The following CTH variants were observed in gnomAD, a reference collection of about 807,000 sequenced individuals.
CTH encodes cystathionase (cystathionine gamma-lyase).
Under a neutral mutation model 50.6 loss-of-function variants are expected in CTH, and 41 were observed. The observed-to-expected ratio is 0.81, with a 90% CI of 0.63 to 1.05. The LOEUF (loss-of-function observed/expected upper bound fraction) is 1.05. Among genes scored for constraint, CTH ranks in the 50% least tolerant of loss-of-function variants. The probability of loss-of-function intolerance (pLI) is 0.00; values close to 1 mark genes in which losing one functional copy is unlikely to be tolerated. For synonymous variants in CTH, 156 were observed against 168.9 expected, an observed-to-expected ratio of 0.92 and a Z score of 0.59; for missense variants, 470 against 492.6, an observed-to-expected ratio of 0.95 and a Z score of 0.43.
At chr1:70,429,745 C>T (rs778867944) in intron 5 of CTH, 49 bp from the exon 6 acceptor site, 2 of 1,277,282 alleles carry the variant, frequency 1.6e-6, no homozygotes, top group South Asian at 1.2e-5. Flanking sequence ...GGTAATGAAG[C>T]ATATTTTCAA....
chr1:70,418,268 T>G (rs1684136943), intron 3 of CTH, among the ~76,000 whole-genome samples: 1 of 152,166 alleles, frequency 6.6e-6, no homozygotes, highest in African/African-American at 2.4e-5. Context: ...TGTTTATTTT[T>G]AGATAGGATC....
intron 3 of CTH, 28 bp downstream of exon 3, chr1:70,418,060 G>C: frequency 6.2e-7 from 1 of 1,608,908 alleles, no homozygotes; most frequent in Non-Finnish European, 8.5e-7. Context: ...TTTATATTCT[G>C]TAAACTTGTA....
At chr1:70,419,451 G>A (rs1190135061) in intron 3 of CTH, among the ~76,000 whole-genome samples, 1 of 152,152 alleles carries the variant, frequency 6.6e-6, no homozygotes, top group Non-Finnish European at 1.5e-5. Flanking sequence ...CAGTGTAAAA[G>A]TGTTCCTATT....
At chr1:70,429,686 A>C in intron 5 of CTH, 108 bp from the exon 6 acceptor site, 3 of 799,050 alleles carry the variant, frequency 3.8e-6, no homozygotes, top group Non-Finnish European at 6.3e-6. Context: ...ACTTTTGCAA[A>C]GTTAGTATTG....
At chr1:70,422,737 G>A (rs939111668) in intron 4 of CTH, among the ~76,000 whole-genome samples, 1 of 150,456 alleles carries the variant, frequency 6.6e-6, no homozygotes, top group South Asian at 2.1e-4. Flanking sequence ...TCAGCCTACC[G>A]AGTAGCTGGG....
At chr1:70,416,179 G>A (rs1684087877) in intron 2 of CTH, 142 bp downstream of exon 2, 3 of 655,540 alleles carry the variant, frequency 4.6e-6, no homozygotes, top group East Asian at 5.5e-5. Flanking sequence ...CTTTGCCCAA[G>A]GTCCCTCAGT....
intron 4 of CTH, among the ~76,000 whole-genome samples, chr1:70,422,696 CT>C (rs1157329406): frequency 6.7e-6 from 1 of 150,230 alleles, no homozygotes; most frequent in Non-Finnish European, 1.5e-5. Flanking sequence ...ACTGCAAGCT[CT>C]GCCTCTTGGG....
intron 6 of CTH, 113 bp from the exon 7 acceptor site, chr1:70,430,204 T>C (rs1332404716): frequency 2.8e-6 from 2 of 713,372 alleles, no homozygotes; most frequent in Non-Finnish European, 5.0e-6. Flanking sequence ...TAGAGCTTTT[T>C]CCCTGAGAGT....
chr1:70,424,167 C>T (rs1253379457), intron 4 of CTH, 118 bp from the exon 5 acceptor site: 21 of 1,568,126 alleles, frequency 1.3e-5, no homozygotes, highest in East Asian at 4.7e-5. Flanking sequence ...AACCTCCCAA[C>T]ATCATCATCC....
intron 5 of CTH, among the ~76,000 whole-genome samples, chr1:70,427,196 T>C (rs1448798646): frequency 6.6e-6 from 1 of 152,226 alleles, no homozygotes; most frequent in Non-Finnish European, 1.5e-5. Flanking sequence ...CCTCTGGATC[T>C]TCTGTAAGTC....
In CTH at chr1:70,436,798, G is replaced by A. The variant is rs546655133; in HGVS notation, c.1052+1621G>A. On this transcript the variant is annotated intron_variant, in intron 10 of 11. Transcript: ENST00000370938. ...AGAGGGCACACTCAGCATGTGAAATGGGTTTGTTTTTCACAGTAATGAAAT... is the reference window on the plus strand; with the variant it reads ...AGAGGGCACACTCAGCATGTGAAATAGGTTTGTTTTTCACAGTAATGAAAT... 3.4e-4 allele frequency among the ~76,000 whole-genome samples: 52 copies of A among 152,310 alleles called. No individual in the cohort carries two copies. The South Asian group carries it at 8.3e-3, about 24-fold the overall frequency.
chr1:70,437,472 C>T (rs1324204473), intron 10 of CTH, among the ~76,000 whole-genome samples: 1 of 152,060 alleles, frequency 6.6e-6, no homozygotes, highest in Non-Finnish European at 1.5e-5. Flanking sequence ...GGTAAGCACA[C>T]AGTAGATGCA....
rs1684539272 is a variant in CTH at position 70,433,942 on chromosome 1, A to G, written c.992A>G (p.Asn331Ser). The G allele has an allele frequency of 6.2e-7, 1 of 1,613,834 alleles. No homozygotes were observed. Among genetic ancestry groups the G allele is most frequent in the Non-Finnish European group, 8.5e-7 (1 of 1,179,878 alleles). The part of the protein sequence containing the change: ...TLQHAEIFLK[N>S]LKLFTLAESL... ...CAGCATGCTGAGATTTTCCTCAAGA[A>G]CCTAAAGGTAAACTTACAAAATAGG... Residue 331 changes from asparagine to serine, a missense_variant, in exon 9 of 12, where the codon AAC becomes AGC. Physicochemically the swap from Asn to Ser is conservative, Grantham distance 46. Transcript: ENST00000370938.
At chr1:70,436,405 T>A (rs1557474885) in intron 10 of CTH, among the ~76,000 whole-genome samples, 1 of 152,290 alleles carries the variant, frequency 6.6e-6, no homozygotes, top group East Asian at 1.9e-4. Flanking sequence ...ATTCCTGATA[T>A]ATATATTACC....
At chr1:70,425,837 TC>T (rs1684334969) in intron 5 of CTH, among the ~76,000 whole-genome samples, 1 of 152,136 alleles carries the variant, frequency 6.6e-6, no homozygotes, top group African/African-American at 2.4e-5. Flanking sequence ...ATATCCACCC[TC>T]ATGAACTAAT....
chr1:70,415,188 G>A (rs116280325), intron 1 of CTH, among the ~76,000 whole-genome samples: 3,165 of 152,204 alleles, frequency 0.021, 38 homozygotes, highest in Non-Finnish European at 0.03. Flanking sequence ...ATTGCTTGAG[G>A]TCAGGAGTTC....
At chr1:70,432,423 C>T (rs1299660521) in intron 8 of CTH, among the ~76,000 whole-genome samples, 188 bp downstream of exon 8, 3 of 152,166 alleles carry the variant, frequency 2.0e-5, no homozygotes, top group Non-Finnish European at 2.9e-5. Context: ...CTGGTCTCTA[C>T]TGTTGTATTG....
Position 70,411,409 on chromosome 1 carries a change from G to GT in CTH, c.-5dup. The GT allele has an allele frequency of 6.2e-7, 1 of 1,613,996 alleles. No homozygotes were observed. The highest frequency in any genetic ancestry group is 8.5e-7 in the Non-Finnish European group (1 of 1,179,876). Reference sequence around the variant, plus strand: ...TCTTTTCCTCTCTTCTTCTTTCGCGGTTCAGCATGCAGGAAAAAGACGCCT... The same window carrying GT: ...TCTTTTCCTCTCTTCTTCTTTCGCGGTTTCAGCATGCAGGAAAAAGACGCCT... On this transcript the variant is annotated 5_prime_UTR_variant, in exon 1 of 12. Coordinates refer to ENST00000370938, the MANE Select transcript of CTH (RefSeq NM_001902.6).
intron 5 of CTH, among the ~76,000 whole-genome samples, chr1:70,424,629 T>G (rs1268990191): frequency 2.0e-5 from 3 of 152,306 alleles, no homozygotes; most frequent in Admixed American, 1.3e-4. Flanking sequence ...TTACTTTGTG[T>G]TTTTTATTTA....
Sources: gnomAD v4.1 joint callset for allele counts (sites outside exome capture counted in the v4.1 genomes callset) on GRCh38, gnomAD v4.1.1 for gene constraint, MANE v1.5 for transcripts, NCBI Gene and HGNC (gene_info 2026-07-23, HGNC 2026-07-21) for gene names.